CD6: variants seen among roughly 807,000 people sequenced by gnomAD.
The protein encoded by CD6 is T-cell differentiation antigen CD6.
In CD6, 53 loss-of-function variants were observed where a neutral mutation model predicts 75.3. The observed-to-expected ratio is 0.70, with a 90% CI of 0.56 to 0.88. The LOEUF is 0.88. Among genes scored for constraint, CD6 ranks in the 40% least tolerant of loss-of-function variants. The pLI, the probability that CD6 is intolerant of heterozygous loss-of-function variation, is 0.00. For missense variants in CD6, 770 were observed against 897.1 expected (o/e 0.86, Z 1.81); for synonymous variants, 359 against 381.5 (o/e 0.94, Z 0.69).
intron 1 of CD6, 92 bp from the exon 2 acceptor site, chr11:61,006,482 G>T: frequency 9.6e-7 from 1 of 1,041,752 alleles, no homozygotes; most frequent in Non-Finnish European, 1.4e-6. Flanking sequence ...GCCACCACAG[G>T]CTCCAGGAAG....
rs539615034 is a variant in CD6 at position 61,011,054 on chromosome 11, C to T, written c.1085-16C>T. On this transcript the variant is annotated splice_polypyrimidine_tract_variant and intron_variant, in intron 5 of 12. Transcript: ENST00000313421. The stretch of plus-strand genomic sequence containing the variant: ...CAGTAACATGCATTGAGTGACTGGG[C>T]GGTGCTTTCTGACAGCTTCCCGGAG... The T allele has an allele frequency of 1.2e-5, 19 of 1,613,054 alleles. No individual in the cohort carries two copies. The highest frequency in any genetic ancestry group is 9.3e-5 in the African/African-American group (7 of 75,008).
At chr11:60,990,118 C>G (rs185796019) in intron 1 of CD6, among the ~76,000 whole-genome samples, 198 of 152,054 alleles carry the variant, frequency 1.3e-3, no homozygotes, top group Middle Eastern at 3.4e-3. Flanking sequence ...TCAATAGCTA[C>G]CTTCAAAGAT....
chr11:60,976,101 T>C (rs1430509228), intron 1 of CD6, among the ~76,000 whole-genome samples: 1 of 152,218 alleles, frequency 6.6e-6, no homozygotes, highest in Non-Finnish European at 1.5e-5. Flanking sequence ...AAGTCTGGGA[T>C]TATAGTGTAC....
chr11:61,007,490 C>CCCAA lies in CD6; in HGVS notation c.119-70_119-69insCCAA. ...CGTTGTCAAAGTTCACGCACAGAGT[C>CCCAA]AGTGGCAGAGCCTGGGCAACCCTCT... On this transcript the variant is annotated intron_variant, in intron 2 of 12. Transcript: ENST00000313421. This position sits in a 1 kb window ranked among gnomAD's most constrained non-coding sequence, Gnocchi z 4.2. The CCCAA allele has an allele frequency of 8.4e-7, 1 of 1,192,468 alleles. No individual in the cohort carries two copies. The highest frequency in any genetic ancestry group is 1.1e-6 in the Non-Finnish European group (1 of 902,452). 73.9% of individuals were successfully genotyped at this position (1,192,468 alleles called of 1,614,324 possible). A position where few individuals can be genotyped will look rare whatever the true frequency, so the allele number is the denominator to read the frequency against.
chr11:60,982,518 CG>C (rs1857610164), intron 1 of CD6: 19 of 450,462 alleles, frequency 4.2e-5, no homozygotes, highest in South Asian at 3.0e-4. Context: ...CAGGCGGGCG[CG>C]GGGAGACAGA....
chr11:60,990,926 T>C (rs1858036239), intron 1 of CD6, among the ~76,000 whole-genome samples: 1 of 152,012 alleles, frequency 6.6e-6, no homozygotes, highest in South Asian at 2.1e-4. Flanking sequence ...CAATACAGTC[T>C]GTTTATTTCC....
At chr11:60,987,142 T>C (rs978950409) in intron 1 of CD6, among the ~76,000 whole-genome samples, 4 of 152,046 alleles carry the variant, frequency 2.6e-5, no homozygotes, top group Non-Finnish European at 5.9e-5. Context: ...AAACCAGAAA[T>C]GTATTGTCTC....
chr11:60,979,530 G>A (rs1404888191), intron 1 of CD6, among the ~76,000 whole-genome samples: 3 of 151,194 alleles, frequency 2.0e-5, no homozygotes, highest in South Asian at 2.1e-4. Context: ...GCAATGCTGC[G>A]ATCTCAGCTC....
At chr11:60,975,276 C>A (rs1239016843) in intron 1 of CD6, among the ~76,000 whole-genome samples, 1 of 152,142 alleles carries the variant, frequency 6.6e-6, no homozygotes, top group Non-Finnish European at 1.5e-5. Flanking sequence ...TGTGCTATTC[C>A]ATAGGGTAGC....
chr11:61,014,777 G>A (rs1174977272), intron 8 of CD6, among the ~76,000 whole-genome samples: 2 of 151,644 alleles, frequency 1.3e-5, no homozygotes, highest in African/African-American at 4.8e-5. Flanking sequence ...CATCCTTTAT[G>A]ATATATGGAT....
chr11:60,972,335 C>G (rs1446582751), intron 1 of CD6, among the ~76,000 whole-genome samples: 2 of 152,202 alleles, frequency 1.3e-5, no homozygotes, highest in Admixed American at 6.5e-5. Flanking sequence ...GTCCAGCAGG[C>G]GTAGGCCAAT....
chr11:61,009,818 G>A lies in CD6; in HGVS notation c.1028G>A (p.Arg343Gln), dbSNP rs751412294. ...CTCACCCTCTCCAACTGCTCCTGGC[G>A]GTTCAACAACTCCAACCTCTGCAGC... ...EELTLSNCSWRFNNSNLCSQS... is the reference protein window; with the variant it reads ...EELTLSNCSWQFNNSNLCSQS... Residue 343 changes from arginine (R) to glutamine (Q), a missense_variant, in exon 5 of 13, where the codon CGG becomes CAG. Arg to Gln is a conservative substitution (Grantham distance 43). Coordinates refer to ENST00000313421, the MANE Select transcript of CD6 (RefSeq NM_006725.5). The A allele has an allele frequency of 4.4e-6, 7 of 1,595,488 alleles. No homozygotes were observed. The highest frequency in any genetic ancestry group is 1.1e-5 in the South Asian group (1 of 88,128).
chr11:61,014,106 TAC>T (rs1397616186), intron 8 of CD6, 92 bp downstream of exon 8: 6 of 872,046 alleles, frequency 6.9e-6, no homozygotes, highest in Non-Finnish European at 1.1e-5. Context: ...GTCCAAGACG[TAC>T]ACACAGCTGG....
Position 61,008,853 on chromosome 11 carries a change from G to T in CD6, c.781+8G>T. 1 of 1,524,368 alleles carries T rather than the reference G, an allele frequency of 6.6e-7. No individual in the cohort carries two copies. Among genetic ancestry groups the T allele is most frequent in the South Asian group, 1.3e-5 (1 of 77,936 alleles). 94.4% of individuals were successfully genotyped at this position (1,524,368 alleles called of 1,614,324 possible). A position where few individuals can be genotyped will look rare whatever the true frequency, so the allele number is the denominator to read the frequency against. On this transcript the variant is annotated splice_region_variant and intron_variant, in intron 4 of 12. Transcript: ENST00000313421. ...CGGGCGCGGTGTGCTCAGGTCAGTG[G>T]GCGGAGTCACTGAAGCCCGGTCACT...
chr11:61,011,204 T>TGTGTGTGTGTGTGC, intron 6 of CD6, 69 bp downstream of exon 6: 2 of 1,306,912 alleles, frequency 1.5e-6, no homozygotes, highest in Non-Finnish European at 2.2e-6. Context: ...TGTGTGTGTG[T>TGTGTGTGTGTGTGC]TCCTGTGCAC....
chr11:61,019,387 C>T lies in CD6; in HGVS notation c.*69C>T. ...CCTCCTGCTCTACCTACTCCCTTTC[C>T]CCTTTCCCACCCTCCCAGCTCACCT... On this transcript the variant is annotated 3_prime_UTR_variant, in exon 13 of 13. Transcript: ENST00000313421. 8.3e-7 allele frequency: 1 copy of T among 1,205,032 alleles called. No homozygotes were observed. The highest frequency in any genetic ancestry group is 2.0e-5 in the Admixed American group (1 of 49,016). The allele number at this position is 1,205,032 out of a possible 1,614,324, so 74.6% of individuals were successfully genotyped here.
chr11:61,003,311 G>C (rs1161261370), intron 1 of CD6, among the ~76,000 whole-genome samples: 1 of 152,200 alleles, frequency 6.6e-6, no homozygotes, highest in African/African-American at 2.4e-5. Flanking sequence ...GTCATTGGGG[G>C]ATTAAATTTC....
rs757974950 is a variant in CD6 at position 61,007,614 on chromosome 11, T to C, written c.173T>C (p.Val58Ala). 2 of 1,498,870 alleles carry C rather than the reference T, an allele frequency of 1.3e-6. No individual in the cohort carries two copies. The highest frequency in any genetic ancestry group is 2.9e-5 in the African/African-American group (2 of 68,568). The allele number at this position is 1,498,870 out of a possible 1,614,324, so 92.8% of individuals were successfully genotyped here. ...GGGAGCAGCAGCTGCAGCGGGACGGTGGAGGTGCGGCTCGAGGCGTCCTGG... is the reference window on the plus strand; with the variant it reads ...GGGAGCAGCAGCTGCAGCGGGACGGCGGAGGTGCGGCTCGAGGCGTCCTGG... ...TNGSSSCSGT[V>A]EVRLEASWEP... The change falls in exon 3 of 13, where the codon GTG becomes GCG. Residue 58 changes from valine to alanine, a missense_variant. Physicochemically the swap from Val to Ala is moderately conservative, Grantham distance 64. Transcript: ENST00000313421. This position sits in a 1 kb window ranked among gnomAD's most constrained non-coding sequence, Gnocchi z 4.2.
At chr11:61,011,962 A>G (rs987670242) in intron 6 of CD6, among the ~76,000 whole-genome samples, 15 of 152,250 alleles carry the variant, frequency 9.9e-5, no homozygotes, top group African/African-American at 3.6e-4. Context: ...AGCCTCAAAG[A>G]CAGTAAGAAC....
Sources: gnomAD v4.1 joint callset for allele counts (sites outside exome capture counted in the v4.1 genomes callset) on GRCh38, gnomAD v4.1.1 for gene constraint, Gnocchi (gnomAD v3.1) non-coding constraint, MANE v1.5 for transcripts, NCBI Gene and HGNC (gene_info 2026-07-23, HGNC 2026-07-21) for gene names.